Variants in REEP5 observed in about 807,000 individuals in gnomAD.
REEP5 encodes receptor expression-enhancing protein 5.
REEP5 carries 24 observed loss-of-function variants against 22.4 expected under a neutral mutation model. The ratio of observed to expected loss-of-function variants is 1.07; its 90% CI spans 0.78 to 1.51. The LOEUF (loss-of-function observed/expected upper bound fraction) is 1.51, where lower values mean the gene tolerates loss of function less well. Ranked by LOEUF, REEP5 falls within the 40% of genes most tolerant of loss-of-function variation. The probability of loss-of-function intolerance (pLI) is 0.00; values close to 1 mark genes in which losing one functional copy is unlikely to be tolerated. For missense variants in REEP5, 252 were observed against 233.0 expected, an observed-to-expected ratio of 1.08 and a Z score of -0.53; for synonymous variants, 103 against 88.6, an observed-to-expected ratio of 1.16 and a Z score of -0.92.
chr5:112,887,028 G>T lies in REEP5; in HGVS notation c.507C>A (p.Ala169=). The change falls in exon 4 of 5, where the codon GCC becomes GCA. Residue 169 remains alanine (A), a synonymous_variant. Transcript: ENST00000379638. ...CCTGAGTCTTACCTTCTTTAGTGAT[G>T]GCATCTGCAGTCTCTTTGGCCTTGT... is the stretch of plus-strand genomic sequence containing the variant. ...LKDKAKETAD[A]ITKEAKKATV... 1 of 1,603,414 alleles carries T rather than the reference G, an allele frequency of 6.2e-7. No individual in the cohort carries two copies. The highest frequency in any genetic ancestry group is 1.1e-5 in the South Asian group (1 of 90,436).
intron 3 of REEP5, chr5:112,892,684 A>T: frequency 6.2e-7 from 1 of 1,614,148 alleles, no homozygotes; most frequent in Non-Finnish European, 8.5e-7. Flanking sequence ...GGAAGCTAAT[A>T]GAGACATCTA....
intron 2 of REEP5, among the ~76,000 whole-genome samples, chr5:112,913,536 T>TTAA (rs1491429859): frequency 1.6e-3 from 103 of 65,472 alleles, no homozygotes; most frequent in African/African-American, 5.7e-3. Context: ...TGACCCTGGC[T>TTAA]AAAAAAAAAA....
Position 112,921,220 on chromosome 5 carries a change from C to CCGAA in REEP5, c.151_154dup (p.Gly52ValfsTer23). The CCGAA allele has an allele frequency of 6.2e-7, 1 of 1,614,142 alleles. No homozygotes were observed. Among genetic ancestry groups the CCGAA allele is most frequent in the Non-Finnish European group, 8.5e-7 (1 of 1,180,016 alleles). On this transcript the variant is annotated frameshift_variant, in exon 2 of 5. Coordinates refer to ENST00000379638, the MANE Select transcript of REEP5 (RefSeq NM_005669.5). LOFTEE classifies it high-confidence loss of function. ...GTTGCAGAGGAGAGAGGCTCCATAA[C>CCGAA]CGAACACCAGGTACAAGGCCACCAG... is the stretch of plus-strand genomic sequence containing the variant.
intron 4 of REEP5, among the ~76,000 whole-genome samples, chr5:112,883,487 C>T (rs973982705): frequency 2.6e-5 from 4 of 152,172 alleles, no homozygotes; most frequent in African/African-American, 9.7e-5. Flanking sequence ...CAATTGGCCA[C>T]TCCTTATCAG....
chr5:112,911,116 C>A (rs1769094116), intron 2 of REEP5, among the ~76,000 whole-genome samples: 1 of 152,198 alleles, frequency 6.6e-6, no homozygotes, highest in Non-Finnish European at 1.5e-5. Context: ...AAAAGGTCTT[C>A]CAGCTTCCTG....
intron 3 of REEP5, chr5:112,892,725 T>C: frequency 6.2e-7 from 1 of 1,614,018 alleles, no homozygotes; most frequent in African/African-American, 1.3e-5. Flanking sequence ...GCTCCTCCTT[T>C]GGCAAGAACT....
chr5:112,918,051 C>G (rs1274974018), intron 2 of REEP5, among the ~76,000 whole-genome samples: 1 of 152,100 alleles, frequency 6.6e-6, no homozygotes, highest in African/African-American at 2.4e-5. Flanking sequence ...TTCCAGTAGT[C>G]TGCCTCCTGT....
chr5:112,887,815 C>A (rs1768307214), intron 3 of REEP5, among the ~76,000 whole-genome samples: 1 of 152,040 alleles, frequency 6.6e-6, no homozygotes. Flanking sequence ...GACAAGAATT[C>A]TGCCCTAATT....
chr5:112,888,510 ACTC>A (rs1365592146), intron 3 of REEP5, among the ~76,000 whole-genome samples: 3 of 152,000 alleles, frequency 2.0e-5, no homozygotes, highest in African/African-American at 7.3e-5. Flanking sequence ...GCAGCCTTGA[ACTC>A]CTGGGTTCAA....
chr5:112,894,150 T>C (rs1297008281), intron 3 of REEP5: 1 of 147,012 alleles, frequency 6.8e-6, no homozygotes, highest in Admixed American at 7.0e-5. Flanking sequence ...TGAGACGGAG[T>C]CTTGCTCTGT....
intron 2 of REEP5, among the ~76,000 whole-genome samples, chr5:112,905,560 A>AC (rs899826964): frequency 6.6e-6 from 1 of 151,554 alleles, no homozygotes; most frequent in Non-Finnish European, 1.5e-5. Flanking sequence ...ACAAAACAAA[A>AC]AAAAAACAAA....
At chr5:112,918,390 A>G (rs112860811) in intron 2 of REEP5, among the ~76,000 whole-genome samples, 5 of 152,318 alleles carry the variant, frequency 3.3e-5, no homozygotes, top group African/African-American at 9.6e-5. Context: ...ACAGACTTCC[A>G]AAGGGAGTCC....
chr5:112,899,686 A>T (rs1768799865), intron 3 of REEP5, among the ~76,000 whole-genome samples: 1 of 152,186 alleles, frequency 6.6e-6, no homozygotes, highest in Admixed American at 6.5e-5. Context: ...ATTTCCTTAG[A>T]ATTGTTAAGA....
chr5:112,892,059 T>G, intron 3 of REEP5: 4 of 1,544,064 alleles, frequency 2.6e-6, no homozygotes, highest in Non-Finnish European at 1.8e-6. Flanking sequence ...AAGAGGAAGC[T>G]GTGCAGAAGA....
chr5:112,899,561 G>A (rs1768796673), intron 3 of REEP5, among the ~76,000 whole-genome samples: 1 of 152,100 alleles, frequency 6.6e-6, no homozygotes, highest in Non-Finnish European at 1.5e-5. Flanking sequence ...CCATTTACCT[G>A]CTGATGGACA....
At chr5:112,905,363 A>G (rs1239600905) in intron 2 of REEP5, among the ~76,000 whole-genome samples, 1 of 152,052 alleles carries the variant, frequency 6.6e-6, no homozygotes, top group Admixed American at 6.5e-5. Context: ...CAACATGGTG[A>G]AACCCCACCT....
chr5:112,890,554 T>G (rs1768407585), intron 3 of REEP5, among the ~76,000 whole-genome samples: 1 of 150,012 alleles, frequency 6.7e-6, no homozygotes, highest in African/African-American at 2.5e-5. Context: ...ATTTTTGTAC[T>G]TTTTGTAGAG....
intron 4 of REEP5, among the ~76,000 whole-genome samples, chr5:112,879,854 A>G (rs1214122660): frequency 6.6e-6 from 1 of 151,820 alleles, no homozygotes; most frequent in Admixed American, 6.5e-5. Context: ...TGAGGTGGGA[A>G]GATCGCTTGA....
chr5:112,911,389 C>T (rs1580752941), intron 2 of REEP5, among the ~76,000 whole-genome samples: 2 of 92,680 alleles, frequency 2.2e-5, no homozygotes, highest in Non-Finnish European at 4.2e-5. Context: ...AGCTTAAGCT[C>T]GGTATTGGTC....
Sources: gnomAD v4.1 joint callset for allele counts (sites outside exome capture counted in the v4.1 genomes callset) on GRCh38, gnomAD v4.1.1 for gene constraint, MANE v1.5 for transcripts, NCBI Gene and HGNC (gene_info 2026-07-23, HGNC 2026-07-21) for gene names.